RIC8B: variants seen among roughly 807,000 people sequenced by gnomAD.
RIC8B encodes the protein RIC8 guanine nucleotide exchange factor B.
In RIC8B, 16 loss-of-function variants were observed where a neutral mutation model predicts 57.5. The ratio of observed to expected loss-of-function variants is 0.28; its 90% CI spans 0.19 to 0.42. RIC8B has a LOEUF of 0.42. Among genes scored for constraint, RIC8B ranks in the 10% least tolerant of loss-of-function variants. The probability of loss-of-function intolerance (pLI) is 1.00; values close to 1 mark genes in which losing one functional copy is unlikely to be tolerated. For missense variants in RIC8B, 481 were observed against 677.0 expected, an observed-to-expected ratio of 0.71 and a Z score of 3.21; for synonymous variants, 216 against 250.8, an observed-to-expected ratio of 0.86 and a Z score of 1.31.
chr12:106,815,146 A>G lies in RIC8B; in HGVS notation c.583A>G (p.Ile195Val), dbSNP rs756832067. Residue 195 changes from isoleucine (I) to valine (V), a missense_variant, in exon 3 of 10, where the codon ATC (isoleucine) becomes GTC (valine). This residue lies in a region of RIC8B where 421 missense variants were observed against 560.9 expected (regional missense o/e 0.75). Coordinates refer to ENST00000392837, the MANE Select transcript of RIC8B (RefSeq NM_001330145.2). The stretch of plus-strand genomic sequence containing the variant: ...CCAGGGACTACCGCTGCTAACGCAG[A>G]TCTTGGAAAGTGCCTTTAGCATCAA... ...ELQGLPLLTQILESAFSIKWT... is the reference protein window; with the variant it reads ...ELQGLPLLTQVLESAFSIKWT... The G allele has an allele frequency of 1.9e-6, 3 of 1,614,266 alleles. No homozygotes were observed. Among genetic ancestry groups the G allele is most frequent in the South Asian group, 1.1e-5 (1 of 91,086 alleles).
chr12:106,830,879 AT>A (rs1013508195), intron 4 of RIC8B, among the ~76,000 whole-genome samples: 6 of 151,678 alleles, frequency 4.0e-5, no homozygotes, highest in African/African-American at 9.7e-5. Context: ...GATATCACAG[AT>A]TTTTTTTTAG....
intron 3 of RIC8B, among the ~76,000 whole-genome samples, chr12:106,818,016 T>G (rs764085370): frequency 3.9e-5 from 6 of 152,182 alleles, no homozygotes; most frequent in Non-Finnish European, 7.3e-5. Context: ...TATGGAAAAC[T>G]TATTGTACAG....
chr12:106,879,386 T>C lies in RIC8B; in HGVS notation c.1572-6518T>C, dbSNP rs1029624725. On this transcript the variant is annotated intron_variant, in intron 9 of 9. Transcript: ENST00000392837. This position sits in a 1 kb window ranked among gnomAD's most constrained non-coding sequence, Gnocchi z 4.9. ...CTGAACCCCAATTTTGCACTGTCATTTTTGGGGGAAAGAGTCATATAGGAA... is the reference window on the plus strand; with the variant it reads ...CTGAACCCCAATTTTGCACTGTCATCTTTGGGGGAAAGAGTCATATAGGAA... 3 of 985,208 alleles carry C rather than the reference T, an allele frequency of 3.0e-6. No individual in the cohort carries two copies. The African/African-American group carries it at 5.2e-5, about 17-fold the overall frequency. 61.0% of individuals were successfully genotyped at this position (985,208 alleles called of 1,614,324 possible). A position where few individuals can be genotyped will look rare whatever the true frequency, so the allele number is the denominator to read the frequency against.
intron 9 of RIC8B, among the ~76,000 whole-genome samples, chr12:106,873,612 C>T (rs554868230): frequency 3.5e-4 from 53 of 152,282 alleles, no homozygotes; most frequent in African/African-American, 1.3e-3. Context: ...TGCAAGGCAT[C>T]GTGCTAGGAA....
chr12:106,842,506 A>C (rs909054761), intron 4 of RIC8B, 83 bp from the exon 5 acceptor site: 41 of 1,109,522 alleles, frequency 3.7e-5, no homozygotes, highest in Admixed American at 7.2e-5. Flanking sequence ...CTTAAAAGTC[A>C]CTTTTGAACT....
chr12:106,806,570 G>A (rs746472364), intron 2 of RIC8B, among the ~76,000 whole-genome samples: 8 of 151,988 alleles, frequency 5.3e-5, no homozygotes, highest in Non-Finnish European at 1.0e-4. Flanking sequence ...AATGGCTCAC[G>A]CCTGTAATCC....
chr12:106,874,062 CTGA>C (rs563627435), intron 9 of RIC8B, among the ~76,000 whole-genome samples: 177 of 152,312 alleles, frequency 1.2e-3, no homozygotes, highest in Non-Finnish European at 2.0e-3. Context: ...AAGCTAATGA[CTGA>C]TGATAATTCA....
At chr12:106,818,905 T>G (rs905292421) in intron 3 of RIC8B, among the ~76,000 whole-genome samples, 1 of 152,118 alleles carries the variant, frequency 6.6e-6, no homozygotes, top group East Asian at 1.9e-4. Flanking sequence ...TAGCTGAGAT[T>G]ACAGGCATGT....
chr12:106,857,022 A>C (rs1949740367), intron 7 of RIC8B, among the ~76,000 whole-genome samples: 1 of 152,160 alleles, frequency 6.6e-6, no homozygotes, highest in Non-Finnish European at 1.5e-5. Flanking sequence ...AGACTGGTTT[A>C]ATGTGTGAGG....
At position 106,881,758 on chromosome 12, in the gene RIC8B, C is replaced by T. The variant is rs1950944104; in HGVS notation, c.1572-4146C>T. Among the ~76,000 whole-genome samples, 3 of 152,046 alleles carry T rather than the reference C, an allele frequency of 2.0e-5. No homozygotes were observed. In the South Asian group the frequency reaches 6.2e-4, roughly 32 times the overall value. On this transcript the variant is annotated intron_variant, in intron 9 of 9. Coordinates refer to ENST00000392837, the MANE Select transcript of RIC8B (RefSeq NM_001330145.2). ...GAGTGAGTCTCTGTACCAAATATTTCATTTTGATATTTGTGGGCCACTAGT... is the reference window on the plus strand; with the variant it reads ...GAGTGAGTCTCTGTACCAAATATTTTATTTTGATATTTGTGGGCCACTAGT...
At chr12:106,798,785 C>G (rs1051906453) in intron 2 of RIC8B, among the ~76,000 whole-genome samples, 1 of 152,132 alleles carries the variant, frequency 6.6e-6, no homozygotes, top group African/African-American at 2.4e-5. Context: ...TTTTCCCCCA[C>G]TTACTGCCCA....
intron 4 of RIC8B, among the ~76,000 whole-genome samples, chr12:106,831,870 T>C (rs2046365430): frequency 6.6e-6 from 1 of 152,204 alleles, no homozygotes; most frequent in Non-Finnish European, 1.5e-5. Flanking sequence ...CATCCGTCTT[T>C]CTGTTATCAA....
intron 7 of RIC8B, among the ~76,000 whole-genome samples, chr12:106,858,183 AT>A (rs1485684435): frequency 6.6e-6 from 1 of 151,980 alleles, no homozygotes; most frequent in African/African-American, 2.4e-5. Context: ...ATTTTTCGCC[AT>A]TTTGTGTCTT....
rs148769350 is a variant in RIC8B, at chr12:106,860,319, C to T, written c.1358C>T (p.Ala453Val). Residue 453 changes from alanine to valine, a missense_variant, in exon 8 of 10, where the codon GCG becomes GTG. Ala to Val is a moderately conservative substitution (Grantham distance 64, BLOSUM62 0). This residue lies in a region of RIC8B where 421 missense variants were observed against 560.9 expected (regional missense o/e 0.75). Coordinates refer to ENST00000392837, the MANE Select transcript of RIC8B (RefSeq NM_001330145.2). The part of the protein sequence containing the change: ...TGYGNAAGLL[A>V]ARGLLAGGRG... ...TATGGGAATGCTGCAGGACTGTTGG[C>T]GGCCAGGGGCCTCTTGGCTGGAGGA... is the stretch of plus-strand genomic sequence containing the variant. 3.1e-6 allele frequency: 5 copies of T among 1,607,850 alleles called. No individual in the cohort carries two copies. The highest frequency in any genetic ancestry group is 2.7e-5 in the African/African-American group (2 of 74,426).
intron 7 of RIC8B, among the ~76,000 whole-genome samples, chr12:106,855,559 G>A (rs1449733883): frequency 1.3e-5 from 2 of 152,124 alleles, no homozygotes; most frequent in Non-Finnish European, 2.9e-5. Flanking sequence ...GTATTTTTTA[G>A]TCTTTGTCTT....
intron 2 of RIC8B, among the ~76,000 whole-genome samples, chr12:106,792,689 G>C (rs1161953205): frequency 1.3e-5 from 2 of 152,182 alleles, no homozygotes; most frequent in African/African-American, 4.8e-5. Context: ...TGTAATCCCA[G>C]CTACTTGGGT....
At chr12:106,885,202 A>G (rs1323899945) in intron 9 of RIC8B, among the ~76,000 whole-genome samples, 1 of 152,240 alleles carries the variant, frequency 6.6e-6, no homozygotes, top group East Asian at 1.9e-4. Flanking sequence ...TGGAGTAGAT[A>G]TAATTGGATT....
At chr12:106,815,671 C>T (rs1566077127) in intron 3 of RIC8B, among the ~76,000 whole-genome samples, 1 of 152,152 alleles carries the variant, frequency 6.6e-6, no homozygotes, top group Non-Finnish European at 1.5e-5. Flanking sequence ...TTTTCAGTGG[C>T]TGCCATCTTA....
At chr12:106,822,967 G>C (rs910158218) in intron 3 of RIC8B, 1 of 153,690 alleles carries the variant, frequency 6.5e-6, no homozygotes. Flanking sequence ...TCATTTGTAG[G>C]GGGTATGGAA....
Sources: allele counts gnomAD v4.1 joint callset (sites outside exome capture counted in the v4.1 genomes callset), GRCh38; gene constraint gnomAD v4.1.1; regional missense constraint gnomAD v4.1.1; non-coding constraint Gnocchi (gnomAD v3.1); transcripts MANE v1.5; gene names NCBI Gene and HGNC (gene_info 2026-07-23, HGNC 2026-07-21).